Variants in GALNTL6 observed in about 807,000 individuals in gnomAD.
GALNTL6 encodes the protein polypeptide N-acetylgalactosaminyltransferase-like 6.
A neutral mutation model predicts 73.7 loss-of-function variants in GALNTL6; 46 were observed. The observed-to-expected ratio is 0.62, with a 90% CI of 0.49 to 0.80. The LOEUF (loss-of-function observed/expected upper bound fraction) is 0.80. Among genes scored for constraint, GALNTL6 ranks in the 30% least tolerant of loss-of-function variants. GALNTL6 has a pLI of 0.00. For missense variants in GALNTL6, 604 were observed against 755.0 expected (o/e 0.80, Z 2.34); for synonymous variants, 259 against 263.7 (o/e 0.98, Z 0.17).
At chr4:171,853,322 T>G (rs1023586469) in intron 2 of GALNTL6, among the ~76,000 whole-genome samples, 4 of 152,044 alleles carry the variant, frequency 2.6e-5, no homozygotes, top group Non-Finnish European at 5.9e-5. Context: ...AGCATTTACC[T>G]GCTGGTAAGT....
At chr4:171,818,970 G>A (rs1734609391) in intron 2 of GALNTL6, among the ~76,000 whole-genome samples, 1 of 151,746 alleles carries the variant, frequency 6.6e-6, no homozygotes, top group Non-Finnish European at 1.5e-5. Context: ...CAGATAATTG[G>A]TACCCAGTGT....
intron 7 of GALNTL6, among the ~76,000 whole-genome samples, chr4:172,847,933 G>A (rs1743602085): frequency 6.6e-6 from 1 of 152,134 alleles, no homozygotes. Flanking sequence ...GAGCTACTTA[G>A]AGCTCAGTCT....
At chr4:172,090,882 C>T (rs928834057) in intron 2 of GALNTL6, among the ~76,000 whole-genome samples, 8 of 152,004 alleles carry the variant, frequency 5.3e-5, no homozygotes, top group African/African-American at 1.7e-4. Context: ...TAAAGTGTAA[C>T]GAATGGGTCC....
chr4:172,014,354 C>T (rs113703333), intron 2 of GALNTL6, among the ~76,000 whole-genome samples: 2,307 of 152,052 alleles, frequency 0.015, 43 homozygotes, highest in African/African-American at 0.052. Context: ...TACAAGAGTT[C>T]CCTTTTCTCT....
intron 5 of GALNTL6, among the ~76,000 whole-genome samples, chr4:172,701,663 C>A (rs548089063): frequency 1.3e-5 from 2 of 151,976 alleles, no homozygotes; most frequent in African/African-American, 4.8e-5. Context: ...GGAGGTTCCA[C>A]GAAAGAAAAC....
At chr4:172,500,449 A>ACCGG (rs1734221759) in intron 5 of GALNTL6, among the ~76,000 whole-genome samples, 1 of 152,140 alleles carries the variant, frequency 6.6e-6, no homozygotes, top group Non-Finnish European at 1.5e-5. Flanking sequence ...TGAAAACTAA[A>ACCGG]AACAAAGAAT....
chr4:172,884,263 G>A (rs984307749), intron 8 of GALNTL6, among the ~76,000 whole-genome samples: 2 of 152,050 alleles, frequency 1.3e-5, no homozygotes, highest in African/African-American at 4.8e-5. Flanking sequence ...CCCTTTCTCT[G>A]CATCCTTGCC....
At chr4:173,022,188 GGAGGA>G (rs1436734618) in intron 12 of GALNTL6, among the ~76,000 whole-genome samples, 1 of 143,576 alleles carries the variant, frequency 7.0e-6, no homozygotes, top group African/African-American at 2.7e-5. Flanking sequence ...AGGGAGGGAG[GGAGGA>G]AGGAAGGAAG....
At chr4:172,320,170 A>G (rs1177856505) in intron 4 of GALNTL6, among the ~76,000 whole-genome samples, 2 of 152,124 alleles carry the variant, frequency 1.3e-5, no homozygotes, top group African/African-American at 4.8e-5. Flanking sequence ...CAGAGGCTCT[A>G]CGTGGGGTAT....
rs180995773 is a variant in GALNTL6, at chr4:172,172,600, G to A, written c.139-57056G>A. ...AGAAGACAGCTATCTAGATGCCAAG[G>A]ACAGAGGCTTCAGAAGAAATAACCT... On this transcript the variant is annotated intron_variant, in intron 2 of 12. Coordinates refer to ENST00000506823, the MANE Select transcript of GALNTL6 (RefSeq NM_001034845.3). Among the ~76,000 whole-genome samples, 545 of 152,086 alleles carry A rather than the reference G, an allele frequency of 3.6e-3. 1 individual carries two copies. Among genetic ancestry groups the A allele is most frequent in the Non-Finnish European group, 6.0e-3 (407 of 67,988 alleles).
chr4:172,372,144 C>A (rs1276019907), intron 5 of GALNTL6, among the ~76,000 whole-genome samples: 1 of 152,172 alleles, frequency 6.6e-6, no homozygotes. Flanking sequence ...GTATCCTATT[C>A]TCCACAAATG....
At chr4:172,623,789 T>A (rs936649969) in intron 5 of GALNTL6, among the ~76,000 whole-genome samples, 1 of 152,162 alleles carries the variant, frequency 6.6e-6, no homozygotes, top group Non-Finnish European at 1.5e-5. Flanking sequence ...GTGAACTAGG[T>A]TTTGGTCTGG....
chr4:172,974,609 G>A (rs1370307708), intron 10 of GALNTL6, among the ~76,000 whole-genome samples: 1 of 152,192 alleles, frequency 6.6e-6, no homozygotes, highest in Non-Finnish European at 1.5e-5. Flanking sequence ...AGAAGCCTCT[G>A]TGGTATCTTT....
At chr4:172,167,449 T>C (rs1734663365) in intron 2 of GALNTL6, among the ~76,000 whole-genome samples, 1 of 152,230 alleles carries the variant, frequency 6.6e-6, no homozygotes. Context: ...CGAAAGTTGT[T>C]GCTTACCTGC....
At chr4:172,952,965 A>C (rs1320074731) in intron 10 of GALNTL6, among the ~76,000 whole-genome samples, 6 of 152,266 alleles carry the variant, frequency 3.9e-5, no homozygotes, top group Non-Finnish European at 7.3e-5. Context: ...CCTGGTGCAC[A>C]GCCTTGCTGC....
intron 5 of GALNTL6, among the ~76,000 whole-genome samples, chr4:172,596,005 A>G (rs1038550677): frequency 1.3e-5 from 2 of 152,084 alleles, no homozygotes; most frequent in Non-Finnish European, 1.5e-5. Context: ...ATATAAAAAC[A>G]TATAAATATA....
chr4:172,529,248 A>G (rs1252709113), intron 5 of GALNTL6, among the ~76,000 whole-genome samples: 2 of 152,002 alleles, frequency 1.3e-5, no homozygotes, highest in East Asian at 3.9e-4. Flanking sequence ...TTGCAAATTG[A>G]AAGATTTTTT....
intron 5 of GALNTL6, among the ~76,000 whole-genome samples, chr4:172,614,979 A>G (rs1387195814): frequency 1.3e-5 from 2 of 152,180 alleles, no homozygotes; most frequent in Non-Finnish European, 2.9e-5. Context: ...ATTGCAAATG[A>G]GAAGTTCATT....
At chr4:172,218,901 TTTG>T (rs528863802) in intron 2 of GALNTL6, among the ~76,000 whole-genome samples, 111 of 151,968 alleles carry the variant, frequency 7.3e-4, no homozygotes, top group African/African-American at 2.6e-3. Flanking sequence ...ACATTGACAG[TTTG>T]TTAAGTAATA....
Sources: allele counts gnomAD v4.1 joint callset (sites outside exome capture counted in the v4.1 genomes callset), GRCh38; gene constraint gnomAD v4.1.1; transcripts MANE v1.5; gene names NCBI Gene and HGNC (gene_info 2026-07-23, HGNC 2026-07-21).